KLHL6: variants seen among roughly 807,000 people sequenced by gnomAD.
KLHL6 encodes the protein kelch-like protein 6.
In KLHL6, 41 loss-of-function variants were observed where a neutral mutation model predicts 58.6. The ratio of observed to expected loss-of-function variants is 0.70; its 90% CI spans 0.55 to 0.91. The LOEUF is 0.91. Among genes scored for constraint, KLHL6 ranks in the 40% least tolerant of loss-of-function variants. KLHL6 has a pLI of 0.00. For synonymous variants in KLHL6, 338 were observed against 322.7 expected (o/e 1.05, Z -0.51); for missense variants, 714 against 805.6 (o/e 0.89, Z 1.38).
intron 1 of KLHL6, among the ~76,000 whole-genome samples, chr3:183,542,886 GGA>G (rs1472619232): frequency 0.021 from 3,131 of 151,936 alleles, 109 homozygotes; most frequent in African/African-American, 0.072. Context: ...ATGGATGGAT[GGA>G]TGGATGGATG....
At chr3:183,538,027 C>T (rs1359898764) in intron 1 of KLHL6, among the ~76,000 whole-genome samples, 1 of 152,044 alleles carries the variant, frequency 6.6e-6, no homozygotes, top group African/African-American at 2.4e-5. Flanking sequence ...CCTTCCTAGT[C>T]CCTTTGCACT....
intron 3 of KLHL6, among the ~76,000 whole-genome samples, chr3:183,502,441 T>G (rs1717892583): frequency 6.6e-6 from 1 of 152,134 alleles, no homozygotes; most frequent in Non-Finnish European, 1.5e-5. Context: ...TGTAGTTCCC[T>G]CCATGCTGTT....
At chr3:183,518,227 C>T (rs1711625145) in intron 2 of KLHL6, among the ~76,000 whole-genome samples, 1 of 152,256 alleles carries the variant, frequency 6.6e-6, no homozygotes, top group African/African-American at 2.4e-5. Flanking sequence ...AGCTCCACCA[C>T]TTGATGAGCT....
intron 1 of KLHL6, among the ~76,000 whole-genome samples, chr3:183,543,286 C>CA (rs148496860): frequency 0.26 from 32,917 of 125,550 alleles, 3,780 homozygotes; most frequent in Admixed American, 0.31. Flanking sequence ...AACTCCATTT[C>CA]AAAAAAAAAA....
chr3:183,497,174 G>A (rs1470182170), intron 4 of KLHL6, among the ~76,000 whole-genome samples: 1 of 152,188 alleles, frequency 6.6e-6, no homozygotes, highest in African/African-American at 2.4e-5. Context: ...CACTTTGGGA[G>A]GCCAAAGCAG....
intron 1 of KLHL6, among the ~76,000 whole-genome samples, chr3:183,539,996 C>T (rs982077828): frequency 6.6e-6 from 1 of 152,200 alleles, no homozygotes; most frequent in Admixed American, 6.5e-5. Flanking sequence ...AGTGACGATA[C>T]AGTCACAAAG....
chr3:183,545,117 C>T (rs780291296), intron 1 of KLHL6, among the ~76,000 whole-genome samples: 1 of 152,170 alleles, frequency 6.6e-6, no homozygotes, highest in Non-Finnish European at 1.5e-5. Context: ...GGGCCTGGTT[C>T]CTCTTCTCCC....
rs961869337 is a variant in KLHL6 at position 183,487,881 on chromosome 3, T to G, written c.*4046A>C. ...AGTTGGGACTTAACATAAGAAATCC[T>G]TATGGTGTTGCCAACGTTAAAAATT... On this transcript the variant is annotated 3_prime_UTR_variant, in exon 7 of 7. Transcript: ENST00000341319. 14 of 152,222 alleles carry G rather than the reference T, an allele frequency of 9.2e-5. No individual in the cohort carries two copies. The highest frequency in any genetic ancestry group is 6.5e-5 in the Admixed American group (1 of 15,284). 9.4% of individuals were successfully genotyped at this position (152,222 alleles called of 1,614,324 possible). A position where few individuals can be genotyped will look rare whatever the true frequency, so the allele number is the denominator to read the frequency against.
In KLHL6 at chr3:183,492,625, T is replaced by A; in HGVS notation, c.1433A>T (p.Asn478Ile). The change falls in exon 6 of 7, where the codon AAT (asparagine) becomes ATT (isoleucine). Residue 478 changes from asparagine (N) to isoleucine (I), a missense_variant. Physicochemically the swap from Asn to Ile is moderately radical, Grantham distance 149. Around this residue, in one of 2 missense-constraint regions of KLHL6, gnomAD observed 510 missense variants for 629.7 expected, o/e 0.81. Transcript: ENST00000341319. The surrounding 1 kb of genome is among the most constrained non-coding windows in gnomAD (Gnocchi z 5.9). Reference sequence around the variant, plus strand: ...AGTCTTGTCTGTGGCCAGTTTCCCATTGGGCCCTCCCCCGATCACATACAG... The same window carrying A: ...AGTCTTGTCTGTGGCCAGTTTCCCAATGGGCCCTCCCCCGATCACATACAG... The part of the protein sequence containing the change: ...KKLYVIGGGP[N>I]GKLATDKTQC... 1 of 1,614,148 alleles carries A rather than the reference T, an allele frequency of 6.2e-7. No individual in the cohort carries two copies. Among genetic ancestry groups the A allele is most frequent in the Non-Finnish European group, 8.5e-7 (1 of 1,180,032 alleles).
intron 3 of KLHL6, among the ~76,000 whole-genome samples, chr3:183,502,935 T>C (rs754209942): frequency 3.9e-5 from 6 of 152,200 alleles, no homozygotes; most frequent in Non-Finnish European, 5.9e-5. Flanking sequence ...AGACCTGTCT[T>C]ATAATTCAGC....
intron 1 of KLHL6, among the ~76,000 whole-genome samples, chr3:183,551,185 G>A (rs1010443161): frequency 1.3e-5 from 2 of 151,932 alleles, no homozygotes; most frequent in East Asian, 3.9e-4. Flanking sequence ...TGGAGAATGT[G>A]CTTATCAGGG....
At chr3:183,528,761 A>G (rs1468604198) in intron 1 of KLHL6, among the ~76,000 whole-genome samples, 4 of 152,314 alleles carry the variant, frequency 2.6e-5, no homozygotes, top group African/African-American at 9.6e-5. Flanking sequence ...CTCATCTGAA[A>G]TGGGGATTTT....
intron 1 of KLHL6, among the ~76,000 whole-genome samples, chr3:183,529,556 G>T (rs994734002): frequency 6.6e-6 from 1 of 152,112 alleles, no homozygotes; most frequent in East Asian, 1.9e-4. Context: ...GTAGGTGGGG[G>T]ACCGGGGGTG....
chr3:183,491,847 T>C lies in KLHL6; in HGVS notation c.*80A>G. 7.8e-7 allele frequency: 1 copy of C among 1,284,004 alleles called. No individual in the cohort carries two copies. Among genetic ancestry groups the C allele is most frequent in the Non-Finnish European group, 1.0e-6 (1 of 964,938 alleles). The allele number at this position is 1,284,004 out of a possible 1,614,324, so 79.5% of individuals were successfully genotyped here. ...TGGCCTCAAACTCGAGCCTGCTGCC[T>C]GAAGTGGGACTGGAGGAGGGTGAGA... On this transcript the variant is annotated 3_prime_UTR_variant, in exon 7 of 7. Transcript: ENST00000341319.
intron 2 of KLHL6, chr3:183,520,864 A>C (rs1210409260): frequency 6.6e-6 from 1 of 150,518 alleles, no homozygotes; most frequent in Non-Finnish European, 1.5e-5. Context: ...CCTTCCTCTT[A>C]TCTCAACTGC....
chr3:183,504,981 G>A (rs892244332), intron 3 of KLHL6, among the ~76,000 whole-genome samples: 2 of 152,128 alleles, frequency 1.3e-5, no homozygotes, highest in Non-Finnish European at 2.9e-5. Flanking sequence ...TCCTGTGTCA[G>A]TTCACTTAGG....
At chr3:183,509,241 G>A (rs183522722) in intron 2 of KLHL6, among the ~76,000 whole-genome samples, 2 of 152,302 alleles carry the variant, frequency 1.3e-5, no homozygotes, top group African/African-American at 4.8e-5. Context: ...TGTTTACAAT[G>A]ACTAATATTT....
chr3:183,496,952 A>C (rs1037570815), intron 4 of KLHL6, among the ~76,000 whole-genome samples: 1 of 152,186 alleles, frequency 6.6e-6, no homozygotes, highest in African/African-American at 2.4e-5. Flanking sequence ...AGCCTGGCCA[A>C]CATGGTGAAA....
At chr3:183,551,609 G>A (rs2108701504) in intron 1 of KLHL6, among the ~76,000 whole-genome samples, 1 of 152,278 alleles carries the variant, frequency 6.6e-6, no homozygotes, top group South Asian at 2.1e-4. Flanking sequence ...TACAGGGAAG[G>A]AAAGCTTATG....
Sources: allele counts gnomAD v4.1 joint callset (sites outside exome capture counted in the v4.1 genomes callset), GRCh38; gene constraint gnomAD v4.1.1; regional missense constraint gnomAD v4.1.1; non-coding constraint Gnocchi (gnomAD v3.1); transcripts MANE v1.5; gene names NCBI Gene and HGNC (gene_info 2026-07-23, HGNC 2026-07-21).